GRIA4: variants seen among roughly 807,000 people sequenced by gnomAD.
GRIA4 encodes the protein glutamate ionotropic receptor AMPA type subunit 4.
GRIA4 carries 34 observed loss-of-function variants against 104.0 expected under a neutral mutation model. The observed-to-expected ratio is 0.33, with a 90% CI of 0.25 to 0.44. GRIA4 has a LOEUF of 0.44. Ranked by LOEUF, GRIA4 falls within the 20% of genes least tolerant of loss-of-function variation. GRIA4 has a pLI of 1.00. For synonymous variants in GRIA4, 386 were observed against 381.9 expected (o/e 1.01, Z -0.13); for missense variants, 750 against 1,096.5 (o/e 0.68, Z 4.46).
At chr11:105,839,651 T>G (rs955981779) in intron 4 of GRIA4, among the ~76,000 whole-genome samples, 11 of 151,822 alleles carry the variant, frequency 7.2e-5, no homozygotes, top group Non-Finnish European at 1.0e-4. Flanking sequence ...GAGCTTGCAG[T>G]GAGCCGAGAT....
chr11:105,820,800 A>G (rs1276461675), intron 4 of GRIA4, among the ~76,000 whole-genome samples: 3 of 152,154 alleles, frequency 2.0e-5, no homozygotes. Context: ...CCTTTAAGGA[A>G]CAACAGACAA....
chr11:105,782,022 G>C (rs750654912), intron 4 of GRIA4, among the ~76,000 whole-genome samples: 2 of 152,126 alleles, frequency 1.3e-5, no homozygotes, highest in Admixed American at 6.6e-5. Flanking sequence ...CCAAAGCATA[G>C]ATGAAAGCTT....
intron 2 of GRIA4, 29 bp from the exon 3 acceptor site, chr11:105,612,247 G>T: frequency 6.2e-7 from 1 of 1,609,246 alleles, no homozygotes; most frequent in South Asian, 1.1e-5. Flanking sequence ...AGGAAACAGT[G>T]AATGTGCTTT....
intron 14 of GRIA4, among the ~76,000 whole-genome samples, chr11:105,966,822 C>A (rs1303093634): frequency 2.0e-5 from 3 of 152,106 alleles, no homozygotes; most frequent in Non-Finnish European, 4.4e-5. Context: ...GAAAACAGTT[C>A]ATGGATGGGA....
intron 3 of GRIA4, among the ~76,000 whole-genome samples, chr11:105,718,850 C>G (rs1051421590): frequency 6.6e-6 from 1 of 152,134 alleles, no homozygotes; most frequent in African/African-American, 2.4e-5. Flanking sequence ...AAGATTTGTG[C>G]TTGCTGAGGC....
chr11:105,934,105 A>G, intron 14 of GRIA4, 136 bp downstream of exon 14: 2 of 789,746 alleles, frequency 2.5e-6, no homozygotes, highest in Non-Finnish European at 3.9e-6. Flanking sequence ...TCCATTTCAT[A>G]TATTTTGGTC....
intron 5 of GRIA4, among the ~76,000 whole-genome samples, chr11:105,885,244 C>T (rs2136092666): frequency 6.6e-6 from 1 of 152,262 alleles, no homozygotes; most frequent in East Asian, 1.9e-4. Flanking sequence ...CATCCTGCTC[C>T]ACCCATGTTA....
intron 4 of GRIA4, among the ~76,000 whole-genome samples, chr11:105,849,530 A>C (rs1304146918): frequency 6.6e-6 from 1 of 152,230 alleles, no homozygotes; most frequent in Admixed American, 6.5e-5. Flanking sequence ...GGAGTGGTCA[A>C]TTTGGCAATG....
chr11:105,945,508 G>C, intron 14 of GRIA4: 1 of 944,904 alleles, frequency 1.1e-6, no homozygotes, highest in Non-Finnish European at 1.3e-6. Flanking sequence ...CAAGGTAAGA[G>C]GGGAGTTTTC....
At chr11:105,768,773 GA>G (rs886198174) in intron 4 of GRIA4, among the ~76,000 whole-genome samples, 1 of 151,910 alleles carries the variant, frequency 6.6e-6, no homozygotes, top group South Asian at 2.1e-4. Context: ...ACCATGCTGG[GA>G]AAAATCCATA....
chr11:105,920,562 G>A (rs1303671821), intron 11 of GRIA4, among the ~76,000 whole-genome samples: 2 of 151,992 alleles, frequency 1.3e-5, no homozygotes, highest in Non-Finnish European at 2.9e-5. Flanking sequence ...GCCCAGACTC[G>A]CTCTTTTGCA....
intron 5 of GRIA4, among the ~76,000 whole-genome samples, chr11:105,866,687 G>A (rs930326282): frequency 1.3e-5 from 2 of 150,730 alleles, no homozygotes; most frequent in Admixed American, 1.3e-4. Flanking sequence ...TAAACCAAAA[G>A]TATTTCCTAA....
intron 14 of GRIA4, among the ~76,000 whole-genome samples, chr11:105,950,070 G>A (rs1948422196): frequency 6.6e-6 from 1 of 152,198 alleles, no homozygotes; most frequent in African/African-American, 2.4e-5. Context: ...TATGTAAGCT[G>A]AATTGTTGAG....
At chr11:105,642,454 C>T (rs1162240727) in intron 3 of GRIA4, among the ~76,000 whole-genome samples, 1 of 146,676 alleles carries the variant, frequency 6.8e-6, no homozygotes, top group Non-Finnish European at 1.5e-5. Flanking sequence ...GTGACCCTTG[C>T]TCCTAAGTTG....
chr11:105,732,462 C>G (rs928460528), intron 3 of GRIA4, among the ~76,000 whole-genome samples: 1 of 152,092 alleles, frequency 6.6e-6, no homozygotes, highest in Non-Finnish European at 1.5e-5. Context: ...TGCCTACAAG[C>G]CGTCATGGTT....
chr11:105,778,779 G>A (rs1941572837), intron 4 of GRIA4, among the ~76,000 whole-genome samples: 1 of 152,064 alleles, frequency 6.6e-6, no homozygotes, highest in Non-Finnish European at 1.5e-5. Context: ...AGTATAGATA[G>A]TGTAGATCTT....
chr11:105,788,988 A>G (rs191868876), intron 4 of GRIA4, among the ~76,000 whole-genome samples: 42 of 152,342 alleles, frequency 2.8e-4, no homozygotes, highest in African/African-American at 9.1e-4. Flanking sequence ...ACAGGGAATT[A>G]GGACTTAGGA....
At chr11:105,781,404 T>C (rs1941720281) in intron 4 of GRIA4, among the ~76,000 whole-genome samples, 1 of 151,568 alleles carries the variant, frequency 6.6e-6, no homozygotes, top group Non-Finnish European at 1.5e-5. Context: ...TATTTATTCA[T>C]ATATGCTCTT....
At chr11:105,617,821 T>C (rs971401854) in intron 3 of GRIA4, among the ~76,000 whole-genome samples, 3 of 152,036 alleles carry the variant, frequency 2.0e-5, no homozygotes, top group Non-Finnish European at 4.4e-5. Context: ...AAGGAGCTGA[T>C]AGCCCAGTGG....
Sources: gnomAD v4.1 joint callset for allele counts (sites outside exome capture counted in the v4.1 genomes callset) on GRCh38, gnomAD v4.1.1 for gene constraint, MANE v1.5 for transcripts, NCBI Gene and HGNC (gene_info 2026-07-23, HGNC 2026-07-21) for gene names.